The following TGFA variants were observed in gnomAD, a reference collection of about 807,000 sequenced individuals.
TGFA encodes transforming growth factor alpha.
TGFA carries 12 observed loss-of-function variants against 21.7 expected under a neutral mutation model. The observed-to-expected ratio is 0.55, with a 90% CI of 0.35 to 0.90. The LOEUF (loss-of-function observed/expected upper bound fraction) is 0.90, where lower values mean the gene tolerates loss of function less well. TGFA is among the 40% of genes least tolerant of loss of function. The probability of loss-of-function intolerance (pLI) is 0.01; values close to 1 mark genes in which losing one functional copy is unlikely to be tolerated. For missense variants in TGFA, 178 were observed against 210.8 expected, an observed-to-expected ratio of 0.84 and a Z score of 0.96; for synonymous variants, 79 against 88.1, an observed-to-expected ratio of 0.90 and a Z score of 0.58.
At chr2:70,456,290 G>T (rs1670224691) in intron 4 of TGFA, 49 bp downstream of exon 4, 18 of 1,520,788 alleles carry the variant, frequency 1.2e-5, no homozygotes, top group Non-Finnish European at 1.4e-5. Context: ...GATGTCCCTG[G>T]TAGGGGAGGT....
chr2:70,529,633 G>A (rs1672756325), intron 1 of TGFA, among the ~76,000 whole-genome samples: 1 of 152,176 alleles, frequency 6.6e-6, no homozygotes. Context: ...TGCTGTGGCT[G>A]GGGGAGGGCA....
intron 1 of TGFA, among the ~76,000 whole-genome samples, chr2:70,532,429 A>G (rs2103907139): frequency 6.6e-6 from 1 of 152,336 alleles, no homozygotes; most frequent in East Asian, 1.9e-4. Context: ...CACAGCCCCC[A>G]GAGAGCAGGC....
chr2:70,516,692 G>A (rs980663599), intron 1 of TGFA, among the ~76,000 whole-genome samples: 1 of 152,186 alleles, frequency 6.6e-6, no homozygotes, highest in East Asian at 1.9e-4. Flanking sequence ...CCCCATCCAA[G>A]CCGGGAAAAG....
At chr2:70,479,096 G>A (rs1357855040) in intron 2 of TGFA, among the ~76,000 whole-genome samples, 1 of 151,968 alleles carries the variant, frequency 6.6e-6, no homozygotes, top group Non-Finnish European at 1.5e-5. Context: ...ATCTGTACTA[G>A]TATAACTAAA....
At chr2:70,534,183 T>C (rs1363944812) in intron 1 of TGFA, among the ~76,000 whole-genome samples, 6 of 152,246 alleles carry the variant, frequency 3.9e-5, no homozygotes, top group African/African-American at 1.4e-4. Context: ...CATCTGCTGT[T>C]CCTTCAAGTC....
chr2:70,499,172 C>T (rs1224442842), intron 2 of TGFA, among the ~76,000 whole-genome samples: 3 of 152,350 alleles, frequency 2.0e-5, no homozygotes, highest in East Asian at 3.9e-4. Flanking sequence ...GCCTATGAAG[C>T]AGACATTCCC....
rs901828168 is a variant in TGFA, at chr2:70,447,646, C to T, written c.*3213G>A. On this transcript the variant is annotated 3_prime_UTR_variant, in exon 6 of 6. Coordinates refer to ENST00000295400, the MANE Select transcript of TGFA (RefSeq NM_003236.4). ...AGGAGTTGCTTTTTCAGTACTCTCT[C>T]TCTCTCTGTGTGAACCACTAGATCT... The T allele has an allele frequency of 6.6e-6, 1 of 152,472 alleles. No individual in the cohort carries two copies. 9.4% of individuals were successfully genotyped at this position (152,472 alleles called of 1,614,324 possible). A position where few individuals can be genotyped will look rare whatever the true frequency, so the allele number is the denominator to read the frequency against.
At chr2:70,456,312 C>T (rs1553490494) in intron 4 of TGFA, 27 bp downstream of exon 4, 1 of 1,533,096 alleles carries the variant, frequency 6.5e-7, no homozygotes, top group African/African-American at 1.4e-5. Flanking sequence ...GGCAGGGGAC[C>T]TGGCCTTAGG....
At chr2:70,487,009 G>A (rs975865760) in intron 2 of TGFA, among the ~76,000 whole-genome samples, 2 of 152,130 alleles carry the variant, frequency 1.3e-5, no homozygotes, top group Non-Finnish European at 2.9e-5. Flanking sequence ...TGATCTGCCC[G>A]CCTCGGCCTC....
chr2:70,463,743 T>C (rs2103691708), intron 3 of TGFA, among the ~76,000 whole-genome samples: 1 of 152,286 alleles, frequency 6.6e-6, no homozygotes, highest in African/African-American at 2.4e-5. Flanking sequence ...GAGTACCTTC[T>C]GCCTGTTGTA....
At chr2:70,473,938 T>C (rs1670849637) in intron 2 of TGFA, among the ~76,000 whole-genome samples, 1 of 152,118 alleles carries the variant, frequency 6.6e-6, no homozygotes, top group African/African-American at 2.4e-5. Context: ...GCCATTTTTG[T>C]CTCTATCATT....
At chr2:70,452,636 T>C (rs1432136100) in intron 5 of TGFA, among the ~76,000 whole-genome samples, 17 of 152,182 alleles carry the variant, frequency 1.1e-4, no homozygotes, top group Non-Finnish European at 2.1e-4. Flanking sequence ...GCACATCTTT[T>C]TAAGAATAAG....
intron 2 of TGFA, among the ~76,000 whole-genome samples, chr2:70,503,992 G>T (rs1322665528): frequency 1.3e-5 from 2 of 152,152 alleles, no homozygotes; most frequent in Non-Finnish European, 2.9e-5. Context: ...GTCAATTCAC[G>T]AAAAGACTCT....
chr2:70,535,049 T>A (rs997413297), intron 1 of TGFA, among the ~76,000 whole-genome samples: 3 of 151,974 alleles, frequency 2.0e-5, no homozygotes, highest in South Asian at 2.1e-4. Flanking sequence ...GTTTTTTTTT[T>A]AAATCTCTAA....
At chr2:70,547,574 C>G (rs1192620033) in intron 1 of TGFA, among the ~76,000 whole-genome samples, 2 of 145,320 alleles carry the variant, frequency 1.4e-5, no homozygotes, top group African/African-American at 5.1e-5. Context: ...GAAAAACAAA[C>G]AAAAACTATT....
chr2:70,547,465 C>T (rs1673340070), intron 1 of TGFA, among the ~76,000 whole-genome samples: 1 of 151,008 alleles, frequency 6.6e-6, no homozygotes, highest in African/African-American at 2.4e-5. Flanking sequence ...ATCACTTAAA[C>T]CTGGGAGGCA....
chr2:70,514,670 C>G (rs79695573), intron 2 of TGFA, among the ~76,000 whole-genome samples, 189 bp downstream of exon 2: 14 of 152,252 alleles, frequency 9.2e-5, no homozygotes, highest in East Asian at 3.9e-4. Flanking sequence ...GAACAGCCCC[C>G]CCTTGGGCCT....
At chr2:70,453,803 T>C (rs1553490041) in intron 4 of TGFA, among the ~76,000 whole-genome samples, 2 of 152,192 alleles carry the variant, frequency 1.3e-5, no homozygotes, top group African/African-American at 2.4e-5. Context: ...CTTGGATGGC[T>C]GAATTGACCC....
chr2:70,481,464 C>A (rs138302466), intron 2 of TGFA, among the ~76,000 whole-genome samples: 10 of 152,176 alleles, frequency 6.6e-5, no homozygotes, highest in Non-Finnish European at 1.3e-4. Context: ...CAGAATAAGT[C>A]TCCCTCTTCT....
Sources: gnomAD v4.1 joint callset for allele counts (sites outside exome capture counted in the v4.1 genomes callset) on GRCh38, gnomAD v4.1.1 for gene constraint, MANE v1.5 for transcripts, NCBI Gene and HGNC (gene_info 2026-07-23, HGNC 2026-07-21) for gene names.